B3GLCT: variants seen among roughly 807,000 people sequenced by gnomAD.
B3GLCT encodes the protein beta 3-glucosyltransferase, also known as beta-1,3-glucosyltransferase.
A neutral mutation model predicts 63.4 loss-of-function variants in B3GLCT; 65 were observed. The observed-to-expected ratio is 1.03, with a 90% CI of 0.84 to 1.26. The LOEUF (loss-of-function observed/expected upper bound fraction) is 1.26. Among genes scored for constraint, B3GLCT ranks in the 50% most tolerant of loss-of-function variants. The probability of loss-of-function intolerance (pLI) is 0.00; values close to 1 mark genes in which losing one functional copy is unlikely to be tolerated. For synonymous variants in B3GLCT, 233 were observed against 219.2 expected (o/e 1.06, Z -0.55); for missense variants, 577 against 604.8 (o/e 0.95, Z 0.48).
intron 7 of B3GLCT, among the ~76,000 whole-genome samples, chr13:31,266,023 G>T (rs900341542): frequency 6.6e-6 from 1 of 151,294 alleles, no homozygotes; most frequent in Non-Finnish European, 1.5e-5. Context: ...TTTTTGAAAC[G>T]GAGTCTCGCT....
chr13:31,316,886 T>C (rs1355631322), intron 12 of B3GLCT, among the ~76,000 whole-genome samples: 4 of 152,194 alleles, frequency 2.6e-5, no homozygotes, highest in Non-Finnish European at 4.4e-5. Context: ...CCCAGACTAA[T>C]ACACTGCCCT....
In B3GLCT at chr13:31,308,347, T is replaced by TAAA. The variant is rs1169835730; in HGVS notation, c.1065-9208_1065-9206dup. Among the ~76,000 whole-genome samples, 160 of 23,582 alleles carry TAAA rather than the reference T, an allele frequency of 6.8e-3. 3 individuals are homozygous for TAAA. Among genetic ancestry groups the TAAA allele is most frequent in the South Asian group, 0.016 (7 of 440 alleles). 15.5% of individuals were successfully genotyped at this position (23,582 alleles called of 152,430 possible). On this transcript the variant is annotated intron_variant, in intron 12 of 14. Coordinates refer to ENST00000343307, the MANE Select transcript of B3GLCT (RefSeq NM_194318.4). ...TAGAGTATAATAAAAAAAAAAAAAT[T>TAAA]AAAAAAAAAAAAACAAAAAAAAAAG...
At chr13:31,247,538 G>T (rs1593271191) in intron 5 of B3GLCT, among the ~76,000 whole-genome samples, 1 of 152,314 alleles carries the variant, frequency 6.6e-6, no homozygotes, top group South Asian at 2.1e-4. Context: ...CTCCCAAAGT[G>T]CTGGGATAAC....
intron 10 of B3GLCT, among the ~76,000 whole-genome samples, chr13:31,280,851 A>G (rs1873036048): frequency 6.6e-6 from 1 of 152,218 alleles, no homozygotes; most frequent in African/African-American, 2.4e-5. Context: ...ACATATTGAC[A>G]TCATTGAAAC....
intron 4 of B3GLCT, among the ~76,000 whole-genome samples, chr13:31,231,851 G>A (rs565573997): frequency 1.3e-5 from 2 of 152,306 alleles, no homozygotes; most frequent in South Asian, 2.1e-4. Flanking sequence ...AGGCCCTGGG[G>A]CTCCGCAAAG....
chr13:31,316,523 A>T (rs1183695815), intron 12 of B3GLCT, among the ~76,000 whole-genome samples: 24 of 149,102 alleles, frequency 1.6e-4, no homozygotes, highest in African/African-American at 5.2e-4. Flanking sequence ...GAGGTTTAAT[A>T]TTTAATGATT....
chr13:31,278,452 A>G (rs1020133581), intron 10 of B3GLCT, among the ~76,000 whole-genome samples: 1 of 152,198 alleles, frequency 6.6e-6, no homozygotes, highest in African/African-American at 2.4e-5. Flanking sequence ...GAGCATTAGA[A>G]ACAAACCTTC....
intron 1 of B3GLCT, among the ~76,000 whole-genome samples, chr13:31,202,865 A>G (rs1868754100): frequency 6.6e-6 from 1 of 152,196 alleles, no homozygotes; most frequent in South Asian, 2.1e-4. Context: ...TAGAAGAGAA[A>G]GATAGAAGAA....
intron 1 of B3GLCT, among the ~76,000 whole-genome samples, chr13:31,203,712 T>G (rs2137726218): frequency 6.6e-6 from 1 of 152,344 alleles, no homozygotes; most frequent in Non-Finnish European, 1.5e-5. Flanking sequence ...AGATTACTTC[T>G]TAAGAACAAT....
chr13:31,220,543 C>G (rs753170284), intron 2 of B3GLCT, among the ~76,000 whole-genome samples: 2 of 152,196 alleles, frequency 1.3e-5, no homozygotes, highest in Non-Finnish European at 2.9e-5. Context: ...AGAACTAAGT[C>G]TTTTCACAAG....
intron 1 of B3GLCT, among the ~76,000 whole-genome samples, chr13:31,201,677 G>C (rs975711384): frequency 6.6e-6 from 1 of 152,136 alleles, no homozygotes; most frequent in Non-Finnish European, 1.5e-5. Flanking sequence ...GCTGTACTGG[G>C]GGTATAATAT....
chr13:31,221,379 T>C (rs955428249), intron 2 of B3GLCT, among the ~76,000 whole-genome samples: 2 of 152,154 alleles, frequency 1.3e-5, no homozygotes, highest in Non-Finnish European at 2.9e-5. Context: ...AAGAGTGGCA[T>C]TTAGAGTAAG....
chr13:31,308,690 G>A (rs1401119050), intron 12 of B3GLCT, among the ~76,000 whole-genome samples: 1 of 152,026 alleles, frequency 6.6e-6, no homozygotes, highest in Non-Finnish European at 1.5e-5. Context: ...TTTTATAAAG[G>A]TTCCTCAAGA....
chr13:31,286,952 C>T, intron 12 of B3GLCT, 133 bp downstream of exon 12: 1 of 591,494 alleles, frequency 1.7e-6, no homozygotes. Context: ...AACCAATCCT[C>T]TTAAGGAACA....
chr13:31,213,058 A>T (rs866809737), intron 1 of B3GLCT, among the ~76,000 whole-genome samples: 3 of 140,866 alleles, frequency 2.1e-5, no homozygotes. Flanking sequence ...GTGTGTGTGT[A>T]TGTGTGTGTA....
At chr13:31,316,941 CA>C (rs1206649247) in intron 12 of B3GLCT, among the ~76,000 whole-genome samples, 1 of 152,046 alleles carries the variant, frequency 6.6e-6, no homozygotes, top group Non-Finnish European at 1.5e-5. Flanking sequence ...AGATAGGGGC[CA>C]AAAGGTATTC....
At chr13:31,217,321 A>G (rs2137750070) in intron 2 of B3GLCT, among the ~76,000 whole-genome samples, 1 of 152,118 alleles carries the variant, frequency 6.6e-6, no homozygotes, top group East Asian at 1.9e-4. Flanking sequence ...ATTAGCTTAC[A>G]TTCCTTATAG....
intron 6 of B3GLCT, among the ~76,000 whole-genome samples, chr13:31,256,745 G>A (rs990188650): frequency 6.6e-6 from 1 of 152,152 alleles, no homozygotes; most frequent in Non-Finnish European, 1.5e-5. Flanking sequence ...ACACAGGGAG[G>A]GGAACATCAC....
At chr13:31,311,643 G>A (rs1277176378) in intron 12 of B3GLCT, 2 of 152,236 alleles carry the variant, frequency 1.3e-5, no homozygotes, top group African/African-American at 4.8e-5. Context: ...CTTGGTTTTA[G>A]AATCTGTACA....
Sources: allele counts gnomAD v4.1 joint callset (sites outside exome capture counted in the v4.1 genomes callset), GRCh38; gene constraint gnomAD v4.1.1; transcripts MANE v1.5; gene names NCBI Gene and HGNC (gene_info 2026-07-23, HGNC 2026-07-21).